The following EPG5 variants were observed in gnomAD, a reference collection of about 807,000 sequenced individuals.
EPG5 encodes the protein ectopic P granules protein 5 homolog.
Under a neutral mutation model 302.7 loss-of-function variants are expected in EPG5, and 159 were observed. That is an observed-to-expected ratio of 0.53 (90% confidence interval 0.46 to 0.60). The LOEUF (loss-of-function observed/expected upper bound fraction) is 0.60, where lower values mean the gene tolerates loss of function less well. Ranked by LOEUF, EPG5 falls within the 20% of genes least tolerant of loss-of-function variation. The probability of loss-of-function intolerance (pLI) is 0.00; values close to 1 mark genes in which losing one functional copy is unlikely to be tolerated. For synonymous variants in EPG5, 1,158 were observed against 1,136.8 expected (o/e 1.02, Z -0.37); for missense variants, 2,896 against 3,092.4 (o/e 0.94, Z 1.51).
intron 36 of EPG5, among the ~76,000 whole-genome samples, chr18:45,870,331 G>A (rs531270408): frequency 2.0e-5 from 3 of 152,236 alleles, no homozygotes; most frequent in African/African-American, 7.2e-5. Flanking sequence ...GGGGATGACT[G>A]ACATATTATA....
the EPG5 span, among the ~76,000 whole-genome samples, chr18:45,811,246 T>A: frequency 6.6e-6 from 1 of 152,188 alleles, no homozygotes; most frequent in Non-Finnish European, 1.5e-5. Flanking sequence ...GATGATATGA[T>A]TGTTTACCTA....
In EPG5 at chr18:45,866,769, T is replaced by C. The variant is rs3826633; in HGVS notation, c.6621+29A>G. ...CTGCTACCAATCTCCAGGAACAGTC[T>C]CTGCCTTTTAAACTACCTCTCAACT... On this transcript the variant is annotated intron_variant, in intron 38 of 43. Transcript: ENST00000282041. 1,145,345 of 1,559,144 alleles carry C rather than the reference T, an allele frequency of 0.73. 424,185 individuals carry two copies. The highest frequency in any genetic ancestry group is 0.93 in the African/African-American group (68,923 of 73,854).
At chr18:45,929,595 C>A (rs561526166) in intron 12 of EPG5, among the ~76,000 whole-genome samples, 79 of 152,264 alleles carry the variant, frequency 5.2e-4, no homozygotes, top group South Asian at 6.2e-4. Context: ...TACATACACA[C>A]ACAGGATCAG....
intron 23 of EPG5, 104 bp downstream of exon 23, chr18:45,910,417 C>T (rs372474575): frequency 1.4e-5 from 11 of 811,558 alleles, no homozygotes; most frequent in African/African-American, 3.4e-5. Flanking sequence ...TCAATCTAAC[C>T]GTGTTAAGAG....
chr18:45,830,237 C>T, the EPG5 span, among the ~76,000 whole-genome samples: 2 of 152,228 alleles, frequency 1.3e-5, no homozygotes, highest in Non-Finnish European at 2.9e-5. Context: ...CTGTTTCTGA[C>T]CCTATCCAAT....
At chr18:45,896,758 C>T (rs1286416004) in intron 27 of EPG5, among the ~76,000 whole-genome samples, 1 of 152,120 alleles carries the variant, frequency 6.6e-6, no homozygotes, top group African/African-American at 2.4e-5. Context: ...CCATGTTGCC[C>T]AGGCTGCTGA....
In EPG5 at chr18:45,949,844, T is replaced by C. The variant is rs564894785; in HGVS notation, c.1390-253A>G. ...GGCAAATAACAAATCACTAATTTCC[T>C]GGCCACAAGTGAATAGATATAAGTC... On this transcript the variant is annotated intron_variant, in intron 4 of 43. Coordinates refer to ENST00000282041, the MANE Select transcript of EPG5 (RefSeq NM_020964.3). 2.0e-5 allele frequency among the ~76,000 whole-genome samples: 3 copies of C among 152,354 alleles called. No homozygotes were observed. The East Asian group carries it at 5.8e-4, about 29-fold the overall frequency.
At chr18:45,846,404 C>G (rs1394901117), downstream of EPG5, among the ~76,000 whole-genome samples, 1 of 151,648 alleles carries the variant, frequency 6.6e-6, no homozygotes, top group Admixed American at 6.6e-5. Context: ...GCCTGTAATC[C>G]CAGCTACTCG....
chr18:45,957,703 A>G (rs1259774222), intron 1 of EPG5, among the ~76,000 whole-genome samples: 2 of 152,206 alleles, frequency 1.3e-5, no homozygotes. Context: ...CGCTTGGCCT[A>G]TACTGTGTGT....
the EPG5 span, among the ~76,000 whole-genome samples, chr18:45,834,788 G>A: frequency 5.9e-5 from 9 of 152,358 alleles, 1 homozygote; most frequent in African/African-American, 2.2e-4. Flanking sequence ...CAAATAATAT[G>A]TGGGGAATCT....
rs532215525 is a variant in EPG5, at chr18:45,871,074, G to A, written c.6050-332C>T. 7.6e-4 allele frequency among the ~76,000 whole-genome samples: 116 copies of A among 152,236 alleles called. 1 individual carries two copies. Among genetic ancestry groups the A allele is most frequent in the Non-Finnish European group, 1.0e-3 (69 of 68,024 alleles). On this transcript the variant is annotated intron_variant, in intron 35 of 43. Coordinates refer to ENST00000282041, the MANE Select transcript of EPG5 (RefSeq NM_020964.3). ...GTATGTATTCAGTTTTACACATTTA[G>A]TGCTTCATTCATTTGGCACTCAGGA...
chr18:45,818,169 T>C, the EPG5 span, among the ~76,000 whole-genome samples: 3 of 152,236 alleles, frequency 2.0e-5, no homozygotes, highest in Non-Finnish European at 2.9e-5. Context: ...ATATGGGTAT[T>C]TAAATACTTG....
the EPG5 span, chr18:45,838,530 C>T: frequency 1.3e-6 from 1 of 768,872 alleles, no homozygotes; most frequent in South Asian, 2.1e-5. Flanking sequence ...TCACTTTACA[C>T]ATGGAGAAGC....
intron 20 of EPG5, among the ~76,000 whole-genome samples, chr18:45,914,970 TAA>T (rs11352234): frequency 0.018 from 2,622 of 145,992 alleles, 45 homozygotes; most frequent in African/African-American, 0.053. Flanking sequence ...TTTTTTAATT[TAA>T]AAAAAAAAAA....
chr18:45,808,805 C>CA, the EPG5 span, among the ~76,000 whole-genome samples: 1 of 109,724 alleles, frequency 9.1e-6, no homozygotes, highest in Non-Finnish European at 1.8e-5. Flanking sequence ...ACCTATAAAA[C>CA]AAAAATACAA....
the EPG5 span, chr18:45,837,736 C>T: frequency 1.1e-5 from 16 of 1,507,954 alleles, no homozygotes; most frequent in African/African-American, 1.4e-5. Context: ...GCCTGCACGG[C>T]CGCTTCCGGC....
In EPG5 at chr18:45,910,654, C is replaced by G. The variant is rs775481546; in HGVS notation, c.4072G>C (p.Glu1358Gln). 1.1e-5 allele frequency: 18 copies of G among 1,614,032 alleles called. No individual in the cohort carries two copies. In the East Asian group the frequency reaches 3.6e-4, roughly 32 times the overall value. Reference protein sequence around the residue: ...LLKEMKRRLTEVADFHHAASK... With the variant: ...LLKEMKRRLTQVADFHHAASK... ...GCAGCATGGTGGAAGTCAGCCACCT[C>G]GGTCAAACGTCTCTTCATTTCTTTC... The change falls in exon 23 of 44, where the codon GAG (glutamate) becomes CAG (glutamine). Residue 1358 changes from glutamate to glutamine, a missense_variant. Glu to Gln is a conservative substitution (Grantham distance 29, BLOSUM62 2). Coordinates refer to ENST00000282041, the MANE Select transcript of EPG5 (RefSeq NM_020964.3).
the EPG5 span, chr18:45,840,226 C>T: frequency 6.2e-6 from 10 of 1,612,684 alleles, no homozygotes; most frequent in South Asian, 3.3e-5. Context: ...CTGGACACCC[C>T]GGACACCCCA....
the EPG5 span, among the ~76,000 whole-genome samples, chr18:45,822,726 A>G: frequency 6.6e-6 from 1 of 152,232 alleles, no homozygotes; most frequent in African/African-American, 2.4e-5. Flanking sequence ...AAGATTTTTA[A>G]AAGAATATCT....
Sources: gnomAD v4.1 joint callset for allele counts (sites outside exome capture counted in the v4.1 genomes callset) on GRCh38, gnomAD v4.1.1 for gene constraint, MANE v1.5 for transcripts, NCBI Gene and HGNC (gene_info 2026-07-23, HGNC 2026-07-21) for gene names.